Variants in CLMP observed in about 807,000 individuals in gnomAD.
CLMP encodes CXADR-like membrane protein.
A neutral mutation model predicts 45.2 loss-of-function variants in CLMP; 27 were observed. The ratio of observed to expected loss-of-function variants is 0.60; its 90% CI spans 0.44 to 0.82. CLMP has a LOEUF of 0.82. CLMP is among the 40% of genes least tolerant of loss of function. The pLI is 0.00. For synonymous variants in CLMP, 167 were observed against 171.4 expected (o/e 0.97, Z 0.20); for missense variants, 403 against 448.4 (o/e 0.90, Z 0.91).
At chr11:123,141,474 G>A (rs764340695) in intron 1 of CLMP, among the ~76,000 whole-genome samples, 2 of 152,012 alleles carry the variant, frequency 1.3e-5, no homozygotes, top group Non-Finnish European at 2.9e-5. Context: ...GTGAGCCACC[G>A]CGCCCGGCCA....
intron 1 of CLMP, among the ~76,000 whole-genome samples, chr11:123,180,180 C>T (rs150992619): frequency 1.3e-5 from 2 of 152,168 alleles, no homozygotes; most frequent in East Asian, 3.8e-4. Context: ...TCCTAAGCAC[C>T]AAGGACCCAG....
chr11:123,108,138 G>A (rs556219061), intron 1 of CLMP, among the ~76,000 whole-genome samples: 1 of 152,102 alleles, frequency 6.6e-6, no homozygotes, highest in East Asian at 1.9e-4. Context: ...CCCTTGTCAC[G>A]AACTAGTGAA....
chr11:123,164,092 A>C (rs1206707976), intron 1 of CLMP, among the ~76,000 whole-genome samples: 1 of 152,012 alleles, frequency 6.6e-6, no homozygotes, highest in Non-Finnish European at 1.5e-5. Flanking sequence ...GCTCTGTTCC[A>C]GGGGAAGTAC....
At chr11:123,147,668 C>T (rs1301335632) in intron 1 of CLMP, among the ~76,000 whole-genome samples, 1 of 152,212 alleles carries the variant, frequency 6.6e-6, no homozygotes, top group Non-Finnish European at 1.5e-5. Context: ...ACTAGAATGT[C>T]AGTGCCTGCA....
At chr11:123,162,421 AATGTATAATGC>A (rs1398698811) in intron 1 of CLMP, among the ~76,000 whole-genome samples, 125 of 152,344 alleles carry the variant, frequency 8.2e-4, no homozygotes, top group African/African-American at 2.8e-3. Context: ...GAACGTGTAT[AATGTATAATGC>A]ATGTATAATG....
At chr11:123,149,782 T>TCTTTCTTC (rs1015308321) in intron 1 of CLMP, among the ~76,000 whole-genome samples, 1 of 138,682 alleles carries the variant, frequency 7.2e-6, no homozygotes, top group East Asian at 2.1e-4. Context: ...TTTCTTTCTT[T>TCTTTCTTC]CTTTCTTCCT....
At chr11:123,094,405 C>T (rs1474634617) in intron 2 of CLMP, among the ~76,000 whole-genome samples, 2 of 152,006 alleles carry the variant, frequency 1.3e-5, no homozygotes, top group Admixed American at 1.3e-4. Context: ...CTGTGCCCGC[C>T]CGGCCCAGCC....
intron 1 of CLMP, among the ~76,000 whole-genome samples, chr11:123,153,836 C>T (rs1261375845): frequency 4.0e-5 from 6 of 148,232 alleles, no homozygotes; most frequent in Non-Finnish European, 8.9e-5. Flanking sequence ...GTGCATGCCA[C>T]CATGCCTCAC....
chr11:123,120,388 C>G (rs190754976), intron 1 of CLMP, among the ~76,000 whole-genome samples: 75 of 152,136 alleles, frequency 4.9e-4, no homozygotes, highest in Admixed American at 9.8e-4. Flanking sequence ...TCTTTTCTCT[C>G]ATGTTGTTTG....
intron 1 of CLMP, among the ~76,000 whole-genome samples, chr11:123,158,557 C>T (rs1861444508): frequency 6.6e-6 from 1 of 152,170 alleles, no homozygotes; most frequent in Non-Finnish European, 1.5e-5. Context: ...AAGGGCACTG[C>T]TCGTTGTTTT....
At chr11:123,169,945 T>C (rs973456421) in intron 1 of CLMP, among the ~76,000 whole-genome samples, 21 of 152,154 alleles carry the variant, frequency 1.4e-4, no homozygotes, top group African/African-American at 5.1e-4. Flanking sequence ...GTGTCTGAGT[T>C]AAGGGGTTGT....
intron 1 of CLMP, among the ~76,000 whole-genome samples, chr11:123,111,831 C>A (rs540228249): frequency 6.6e-6 from 1 of 152,130 alleles, no homozygotes; most frequent in East Asian, 1.9e-4. Flanking sequence ...GAAATAGAAA[C>A]GTACACTACT....
chr11:123,182,297 A>T (rs2135548460), intron 1 of CLMP, among the ~76,000 whole-genome samples: 1 of 152,344 alleles, frequency 6.6e-6, no homozygotes, highest in Admixed American at 6.5e-5. Flanking sequence ...TCTCACCTGG[A>T]GCACAGATTC....
intron 2 of CLMP, among the ~76,000 whole-genome samples, chr11:123,091,491 T>C (rs544892109): frequency 6.6e-6 from 1 of 152,302 alleles, no homozygotes; most frequent in South Asian, 2.1e-4. Flanking sequence ...AACAACTGCC[T>C]CTGTTACCTT....
intron 1 of CLMP, among the ~76,000 whole-genome samples, chr11:123,180,652 G>A (rs1208572140): frequency 6.6e-6 from 1 of 151,690 alleles, no homozygotes; most frequent in Non-Finnish European, 1.5e-5. Context: ...ATATAACAAG[G>A]CAAAGTGATA....
At chr11:123,165,826 T>C (rs1028850866) in intron 1 of CLMP, among the ~76,000 whole-genome samples, 1 of 152,084 alleles carries the variant, frequency 6.6e-6, no homozygotes, top group African/African-American at 2.4e-5. Flanking sequence ...AAGTGAGACC[T>C]AGTGCCCTCT....
chr11:123,154,454 C>T (rs1462231898), intron 1 of CLMP, among the ~76,000 whole-genome samples: 1 of 152,108 alleles, frequency 6.6e-6, no homozygotes, highest in Non-Finnish European at 1.5e-5. Flanking sequence ...GAGGGCTTGC[C>T]CACTTGTGTT....
chr11:123,131,577 T>C (rs1470980187), intron 1 of CLMP, among the ~76,000 whole-genome samples: 1 of 152,102 alleles, frequency 6.6e-6, no homozygotes, highest in Non-Finnish European at 1.5e-5. Context: ...ATTGGAGTCC[T>C]GATTCTGACC....
chr11:123,103,862 C>T (rs1345605049), intron 1 of CLMP, among the ~76,000 whole-genome samples: 3 of 147,986 alleles, frequency 2.0e-5, no homozygotes, highest in African/African-American at 2.5e-5. Flanking sequence ...CAGAGTGTCA[C>T]TCTGTTGCCC....
Sources: allele counts gnomAD v4.1 joint callset (sites outside exome capture counted in the v4.1 genomes callset), GRCh38; gene constraint gnomAD v4.1.1; transcripts MANE v1.5; gene names NCBI Gene and HGNC (gene_info 2026-07-23, HGNC 2026-07-21).